Variants in SDK2 observed in about 807,000 individuals in gnomAD.
SDK2 encodes the protein protein sidekick-2.
Under a neutral mutation model 253.9 loss-of-function variants are expected in SDK2, and 105 were observed. The observed-to-expected ratio is 0.41, with a 90% CI of 0.35 to 0.49. The LOEUF (loss-of-function observed/expected upper bound fraction) is 0.49. SDK2 is among the 20% of genes least tolerant of loss of function. The pLI, the probability that SDK2 is intolerant of heterozygous loss-of-function variation, is 0.06. For synonymous variants in SDK2, 1,249 were observed against 1,234.9 expected, an observed-to-expected ratio of 1.01 and a Z score of -0.24; for missense variants, 2,608 against 3,003.0, an observed-to-expected ratio of 0.87 and a Z score of 3.07.
At chr17:73,593,976 C>T (rs1262788992) in intron 1 of SDK2, among the ~76,000 whole-genome samples, 6 of 152,212 alleles carry the variant, frequency 3.9e-5, no homozygotes, top group Non-Finnish European at 1.5e-5. Context: ...TTTCAACCTC[C>T]CCATGTAACA....
intron 1 of SDK2, among the ~76,000 whole-genome samples, chr17:73,607,489 G>A (rs790095): frequency 0.014 from 2,111 of 152,192 alleles, 46 homozygotes; most frequent in African/African-American, 0.047. Context: ...CCCCTGGGGA[G>A]CTCATGAAAA....
chr17:73,553,718 G>A (rs904604749), intron 1 of SDK2, among the ~76,000 whole-genome samples: 1 of 152,160 alleles, frequency 6.6e-6, no homozygotes, highest in Non-Finnish European at 1.5e-5. Flanking sequence ...CCTTGTTACA[G>A]CATAGCCTTC....
chr17:73,634,088 G>A (rs1327188889), intron 1 of SDK2, among the ~76,000 whole-genome samples: 1 of 152,164 alleles, frequency 6.6e-6, no homozygotes, highest in African/African-American at 2.4e-5. Context: ...TCAGCATCCA[G>A]ACCCCATCAC....
intron 1 of SDK2, among the ~76,000 whole-genome samples, chr17:73,567,355 A>T (rs1224444781): frequency 6.6e-6 from 1 of 152,272 alleles, no homozygotes; most frequent in Non-Finnish European, 1.5e-5. Flanking sequence ...TAGATTTCAG[A>T]AGATGTATTA....
In SDK2 at chr17:73,618,992, C is replaced by G. The variant is rs1235202348; in HGVS notation, c.64+25033G>C. Among the ~76,000 whole-genome samples the G allele has an allele frequency of 6.6e-6, 1 of 151,812 alleles. No homozygotes were observed. Among genetic ancestry groups the G allele is most frequent in the African/African-American group, 2.4e-5 (1 of 41,324 alleles). On this transcript the variant is annotated intron_variant, in intron 1 of 44. Coordinates refer to ENST00000392650, the MANE Select transcript of SDK2 (RefSeq NM_001144952.2). This position sits in a 1 kb window ranked among gnomAD's most constrained non-coding sequence, Gnocchi z 4.1. ...GACTGGCCTGGACAACATGGCGAAA[C>G]CTCACCTCTACTAAAAATACAAAAA...
At position 73,639,336 on chromosome 17, in the gene SDK2, C is replaced by T. The variant is rs1697732199; in HGVS notation, c.64+4689G>A. ...GTCTGAGGGGACAAGCCCTGCAGTC[C>T]CCTCTCTCCCTTCCCCCGGGGATGC... On this transcript the variant is annotated intron_variant, in intron 1 of 44. Transcript: ENST00000392650. The surrounding 1 kb of genome is among the most constrained non-coding windows in gnomAD (Gnocchi z 4.3). 6.6e-6 allele frequency among the ~76,000 whole-genome samples: 1 copy of T among 152,124 alleles called. No individual in the cohort carries two copies. Among genetic ancestry groups the T allele is most frequent in the African/African-American group, 2.4e-5 (1 of 41,434 alleles).
At chr17:73,420,919 G>A (rs145745336) in intron 15 of SDK2, among the ~76,000 whole-genome samples, 99 of 151,572 alleles carry the variant, frequency 6.5e-4, no homozygotes, top group African/African-American at 2.1e-3. Flanking sequence ...CAAGTGATCC[G>A]CCCCCCTCAG....
chr17:73,630,826 T>C (rs1567883226), intron 1 of SDK2, among the ~76,000 whole-genome samples: 1 of 152,056 alleles, frequency 6.6e-6, no homozygotes, highest in Non-Finnish European at 1.5e-5. Flanking sequence ...CCGCTTGTCC[T>C]GCTTGCCTTT....
chr17:73,498,517 C>G (rs1278015580), intron 2 of SDK2, among the ~76,000 whole-genome samples: 1 of 152,200 alleles, frequency 6.6e-6, no homozygotes, highest in Non-Finnish European at 1.5e-5. Flanking sequence ...GGCCCCCAGT[C>G]CTTGCCTGAT....
rs370586702 is a variant in SDK2, at chr17:73,584,386, G to T, written c.64+59639C>A. On this transcript the variant is annotated intron_variant, in intron 1 of 44. Transcript: ENST00000392650. ...AAGGTTGTTGCTGTCGGTAGAAAAG[G>T]GCTGGGTGAGGGTCACCCTCTCAGT... Among the ~76,000 whole-genome samples the T allele has an allele frequency of 1.0e-3, 157 of 152,316 alleles. 1 individual carries two copies. The highest frequency in any genetic ancestry group is 6.8e-3 in the Middle Eastern group (2 of 294).
At chr17:73,500,566 C>T (rs1381528970) in intron 2 of SDK2, among the ~76,000 whole-genome samples, 1 of 149,924 alleles carries the variant, frequency 6.7e-6, no homozygotes, top group Non-Finnish European at 1.5e-5. Context: ...CCTTCTCCAT[C>T]CTCCCTCTGT....
intron 27 of SDK2, among the ~76,000 whole-genome samples, chr17:73,392,457 C>T (rs985807351): frequency 5.3e-5 from 8 of 151,840 alleles, no homozygotes; most frequent in African/African-American, 1.9e-4. Context: ...TTGGTAGAGA[C>T]AGGGTTTTAC....
intron 43 of SDK2, 58 bp downstream of exon 43, chr17:73,350,179 T>G: frequency 3.0e-5 from 4 of 131,150 alleles, no homozygotes; most frequent in Non-Finnish European, 5.0e-5. Flanking sequence ...TTCCCCAGCA[T>G]TCTCCCCACC....
At chr17:73,355,176 T>TATATATGTA (rs1568363071) in intron 40 of SDK2, among the ~76,000 whole-genome samples, 3 of 5,790 alleles carry the variant, frequency 5.2e-4, no homozygotes, top group African/African-American at 1.4e-3. Context: ...ATATATATAT[T>TATATATGTA]TTTTTTTTTT....
At chr17:73,571,194 G>A (rs145048808) in intron 1 of SDK2, among the ~76,000 whole-genome samples, 9 of 151,920 alleles carry the variant, frequency 5.9e-5, no homozygotes, top group East Asian at 3.9e-4. Flanking sequence ...TCAGCTTCCC[G>A]AGTAACTGGG....
intron 36 of SDK2, among the ~76,000 whole-genome samples, chr17:73,370,676 G>A (rs905651368): frequency 2.0e-5 from 3 of 151,696 alleles, no homozygotes; most frequent in Admixed American, 2.0e-4. Context: ...TCCCGCCTCA[G>A]CCCCCCAGGT....
intron 21 of SDK2, among the ~76,000 whole-genome samples, chr17:73,399,815 CA>C (rs2063007674): frequency 6.6e-6 from 1 of 152,162 alleles, no homozygotes; most frequent in African/African-American, 2.4e-5. Context: ...ACAGAAAGAA[CA>C]CAGATTCTGG....
rs1296341980 is a variant in SDK2 at position 73,511,575 on chromosome 17, G to C, written c.65-3978C>G. 6.6e-6 allele frequency among the ~76,000 whole-genome samples: 1 copy of C among 152,176 alleles called. No homozygotes were observed. The highest frequency in any genetic ancestry group is 1.5e-5 in the Non-Finnish European group (1 of 68,036). On this transcript the variant is annotated intron_variant, in intron 1 of 44. Coordinates refer to ENST00000392650, the MANE Select transcript of SDK2 (RefSeq NM_001144952.2). The surrounding 1 kb of genome is among the most constrained non-coding windows in gnomAD (Gnocchi z 4.9). ...GGGAAGGGGAGGCCTTTCCCTGAGA[G>C]CCTGCTGGGTACCAGGCCCTGGGCT...
chr17:73,634,157 G>T (rs144888195), intron 1 of SDK2, among the ~76,000 whole-genome samples: 301 of 152,318 alleles, frequency 2.0e-3, no homozygotes, highest in Non-Finnish European at 3.5e-3. Context: ...GAAGAGGCCA[G>T]CCCAGGGTGC....
Sources: allele counts gnomAD v4.1 joint callset (sites outside exome capture counted in the v4.1 genomes callset), GRCh38; gene constraint gnomAD v4.1.1; non-coding constraint Gnocchi (gnomAD v3.1); transcripts MANE v1.5; gene names NCBI Gene and HGNC (gene_info 2026-07-23, HGNC 2026-07-21).